The following SBF2 variants were observed in gnomAD, a reference collection of about 807,000 sequenced individuals.
SBF2 encodes the protein myotubularin-related protein 13.
A neutral mutation model predicts 225.2 loss-of-function variants in SBF2; 112 were observed. The ratio of observed to expected loss-of-function variants is 0.50; its 90% confidence interval spans 0.43 to 0.58. The LOEUF (loss-of-function observed/expected upper bound fraction) is 0.58. SBF2 is among the 20% of genes least tolerant of loss of function. SBF2 has a pLI of 0.00. For missense variants in SBF2, 1,996 were observed against 2,206.2 expected (o/e 0.90, Z 1.91); for synonymous variants, 763 against 773.3 (o/e 0.99, Z 0.22).
At chr11:10,186,973 A>G (rs1956952625) in intron 2 of SBF2, among the ~76,000 whole-genome samples, 1 of 152,244 alleles carries the variant, frequency 6.6e-6, no homozygotes, top group Non-Finnish European at 1.5e-5. Context: ...CAGCATGAAC[A>G]GTGTGGCAGA....
At chr11:9,896,513 T>G (rs1413552139) in intron 16 of SBF2, among the ~76,000 whole-genome samples, 4 of 152,168 alleles carry the variant, frequency 2.6e-5, no homozygotes, top group Admixed American at 2.6e-4. Context: ...TCTTTCAGGC[T>G]GGGCGCGGTG....
rs66485704 is a variant in SBF2 at position 9,860,261 on chromosome 11, G to GTTT, written c.1930-1868_1930-1866dup. Among the ~76,000 whole-genome samples, 237 of 127,368 alleles carry GTTT rather than the reference G, an allele frequency of 1.9e-3. 3 individuals are homozygous for GTTT. Among genetic ancestry groups the GTTT allele is most frequent in the South Asian group, 4.7e-3 (18 of 3,858 alleles). 83.6% of individuals were successfully genotyped at this position (127,368 alleles called of 152,430 possible). On this transcript the variant is annotated intron_variant, in intron 17 of 39. Coordinates refer to ENST00000256190, the MANE Select transcript of SBF2 (RefSeq NM_030962.4). ...CAGTACACAAGCCTATTTTGAAACA[G>GTTT]TTTTTTTTTTTTTTTTTTTGAGACA...
At chr11:10,171,272 G>C (rs1250306368) in intron 2 of SBF2, among the ~76,000 whole-genome samples, 1 of 152,084 alleles carries the variant, frequency 6.6e-6, no homozygotes, top group Non-Finnish European at 1.5e-5. Context: ...TATTAGCTGT[G>C]AATCTGTTGT....
At chr11:9,854,937 T>C (rs181628828) in intron 19 of SBF2, among the ~76,000 whole-genome samples, 4 of 152,280 alleles carry the variant, frequency 2.6e-5, no homozygotes, top group Admixed American at 1.3e-4. Context: ...CTTGTTATAA[T>C]GAAGATGAAC....
At chr11:9,797,236 T>C (rs1472398171) in intron 32 of SBF2, among the ~76,000 whole-genome samples, 1 of 152,206 alleles carries the variant, frequency 6.6e-6, no homozygotes, top group African/African-American at 2.4e-5. Context: ...AGTGGACCAA[T>C]GGGAATTTAA....
At chr11:9,826,883 T>C (rs1855101950) in intron 28 of SBF2, among the ~76,000 whole-genome samples, 1 of 152,058 alleles carries the variant, frequency 6.6e-6, no homozygotes, top group Admixed American at 6.5e-5. Context: ...GGTGCGATCT[T>C]GGCTCTATGC....
intron 2 of SBF2, among the ~76,000 whole-genome samples, chr11:10,188,944 T>C (rs1383513176): frequency 1.3e-5 from 2 of 152,230 alleles, no homozygotes; most frequent in African/African-American, 4.8e-5. Flanking sequence ...GCAGTTTTCT[T>C]AAGTTTTCAG....
intron 2 of SBF2, among the ~76,000 whole-genome samples, chr11:10,106,127 T>C (rs1198812250): frequency 6.6e-6 from 1 of 152,174 alleles, no homozygotes; most frequent in Non-Finnish European, 1.5e-5. Context: ...AATGATCCCA[T>C]CTTGCAAGTA....
chr11:10,175,627 C>A (rs1245884051), intron 2 of SBF2, among the ~76,000 whole-genome samples: 1 of 150,654 alleles, frequency 6.6e-6, no homozygotes, highest in Non-Finnish European at 1.5e-5. Flanking sequence ...AACAAGGATA[C>A]CCAGGAATGG....
intron 36 of SBF2, among the ~76,000 whole-genome samples, chr11:9,785,660 G>A (rs1044984723): frequency 6.6e-6 from 1 of 152,082 alleles, no homozygotes; most frequent in Non-Finnish European, 1.5e-5. Flanking sequence ...CCAGGAGTTC[G>A]AGACCAGCCT....
At chr11:9,971,998 C>A (rs1590646120) in intron 13 of SBF2, among the ~76,000 whole-genome samples, 1 of 152,226 alleles carries the variant, frequency 6.6e-6, no homozygotes, top group South Asian at 2.1e-4. Context: ...GGTGGCATGA[C>A]AATTCAGGGG....
At position 9,954,346 on chromosome 11, in the gene SBF2, ACT is replaced by A. The variant is rs565297193; in HGVS notation, c.1860+7609_1860+7610del. Among the ~76,000 whole-genome samples, 578 of 152,118 alleles carry A rather than the reference ACT, an allele frequency of 3.8e-3. 4 individuals carry two copies. The highest frequency in any genetic ancestry group is 5.4e-3 in the South Asian group (26 of 4,814). On this transcript the variant is annotated intron_variant, in intron 16 of 39. Coordinates refer to ENST00000256190, the MANE Select transcript of SBF2 (RefSeq NM_030962.4). Reference sequence around the variant, plus strand: ...AGATGTTTGGCCACTCTGCCTTGAAACTCTATGCTTTTGTAAAAAAATGTTCA... The same window carrying A: ...AGATGTTTGGCCACTCTGCCTTGAAACTATGCTTTTGTAAAAAAATGTTCA...
At chr11:9,935,060 T>C (rs577276019) in intron 16 of SBF2, among the ~76,000 whole-genome samples, 2 of 152,146 alleles carry the variant, frequency 1.3e-5, no homozygotes, top group African/African-American at 2.4e-5. Flanking sequence ...GAAAACCCCA[T>C]CGTCTCAGCC....
Position 10,152,952 on chromosome 11 carries a change from C to T in SBF2, c.141+40950G>A, listed in dbSNP as rs1425756883. ...GGGAAAAAAAGCCAATAAAACATGGCTGAAATACAGAATGTTTGGGAAGAA... is the reference window on the plus strand; with the variant it reads ...GGGAAAAAAAGCCAATAAAACATGGTTGAAATACAGAATGTTTGGGAAGAA... On this transcript the variant is annotated intron_variant, in intron 2 of 39. Transcript: ENST00000256190. Among the ~76,000 whole-genome samples the T allele has an allele frequency of 2.6e-5, 4 of 152,130 alleles. No homozygotes were observed. In the East Asian group the frequency reaches 7.7e-4, roughly 29 times the overall value.
At chr11:10,095,320 T>C (rs1380656463) in intron 2 of SBF2, among the ~76,000 whole-genome samples, 3 of 152,232 alleles carry the variant, frequency 2.0e-5, no homozygotes, top group Admixed American at 2.0e-4. Flanking sequence ...TAATAGGATT[T>C]AGTCTGTATC....
At chr11:9,895,719 G>A (rs1200471729) in intron 17 of SBF2, among the ~76,000 whole-genome samples, 1 of 152,126 alleles carries the variant, frequency 6.6e-6, no homozygotes, top group Non-Finnish European at 1.5e-5. Flanking sequence ...GAAAATTAAG[G>A]AAAAGGATGT....
chr11:10,065,187 T>C (rs1357080468), intron 2 of SBF2, among the ~76,000 whole-genome samples: 1 of 151,288 alleles, frequency 6.6e-6, no homozygotes, highest in Non-Finnish European at 1.5e-5. Flanking sequence ...AAAGAAGAAG[T>C]CAAAAGAAAA....
At chr11:9,958,704 C>T in intron 16 of SBF2, 1 of 367,168 alleles carries the variant, frequency 2.7e-6, no homozygotes, top group Non-Finnish European at 5.5e-6. Context: ...GGATGAAGTA[C>T]TAGGAGGGGC....
At chr11:10,011,285 G>A (rs943679714) in intron 6 of SBF2, among the ~76,000 whole-genome samples, 2 of 152,060 alleles carry the variant, frequency 1.3e-5, no homozygotes, top group Non-Finnish European at 2.9e-5. Context: ...GGAGTATAGT[G>A]GTGCGATCTT....
Sources: gnomAD v4.1 joint callset for allele counts (sites outside exome capture counted in the v4.1 genomes callset) on GRCh38, gnomAD v4.1.1 for gene constraint, MANE v1.5 for transcripts, NCBI Gene and HGNC (gene_info 2026-07-23, HGNC 2026-07-21) for gene names.